The following PXMP2 variants were observed in gnomAD, a reference collection of about 807,000 sequenced individuals.
PXMP2 encodes the protein peroxisomal membrane protein 2.
Under a neutral mutation model 20.2 loss-of-function variants are expected in PXMP2, and 13 were observed. The ratio of observed to expected loss-of-function variants is 0.64; its 90% confidence interval spans 0.42 to 1.02. The LOEUF (loss-of-function observed/expected upper bound fraction) is 1.02. Ranked by LOEUF, PXMP2 falls within the 50% of genes least tolerant of loss-of-function variation. The pLI is 0.00. For missense variants in PXMP2, 284 were observed against 251.8 expected (o/e 1.13, Z -0.87); for synonymous variants, 113 against 111.2 (o/e 1.02, Z -0.10).
intron 3 of PXMP2, 81 bp from the exon 4 acceptor site, chr12:132,701,169 A>C (rs1401313078): frequency 1.3e-6 from 2 of 1,573,238 alleles, no homozygotes; most frequent in African/African-American, 1.4e-5. Context: ...TTTAAAAACC[A>C]TCACGATAGG....
At chr12:132,691,217 A>T (rs759023465) in intron 2 of PXMP2, among the ~76,000 whole-genome samples, 1 of 151,726 alleles carries the variant, frequency 6.6e-6, no homozygotes, top group African/African-American at 2.4e-5. Flanking sequence ...ACGCCCGGCT[A>T]ATTTTTTGTA....
chr12:132,701,115 C>A, intron 3 of PXMP2, 135 bp from the exon 4 acceptor site: 1 of 1,267,908 alleles, frequency 7.9e-7, no homozygotes, highest in Non-Finnish European at 1.1e-6. Flanking sequence ...GCTGAGTACA[C>A]ATGTGTGCTG....
At chr12:132,704,237 C>T (rs568713133) in intron 4 of PXMP2, among the ~76,000 whole-genome samples, 1 of 152,212 alleles carries the variant, frequency 6.6e-6, no homozygotes, top group African/African-American at 2.4e-5. Flanking sequence ...AGGTCTGGGG[C>T]CCCTCCGCTG....
At chr12:132,704,591 T>TGC (rs775446401) in intron 4 of PXMP2, 28 bp from the exon 5 acceptor site, 6 of 1,406,146 alleles carry the variant, frequency 4.3e-6, no homozygotes, top group Non-Finnish European at 5.6e-6. Context: ...CCGCTGACCG[T>TGC]GGCCTGTTGG....
At chr12:132,694,160 TA>T (rs1378683509) in intron 2 of PXMP2, among the ~76,000 whole-genome samples, 4 of 105,468 alleles carry the variant, frequency 3.8e-5, no homozygotes, top group Non-Finnish European at 8.1e-5. Flanking sequence ...TGAGCTCCCT[TA>T]GCCAGTTAGT....
intron 3 of PXMP2, among the ~76,000 whole-genome samples, chr12:132,699,236 G>A (rs1262880840): frequency 6.6e-6 from 1 of 152,130 alleles, no homozygotes; most frequent in African/African-American, 2.4e-5. Flanking sequence ...GGGCAACAGA[G>A]TGAGACCCCT....
At chr12:132,690,177 T>C in intron 1 of PXMP2, 86 bp from the exon 2 acceptor site, 1 of 1,057,434 alleles carries the variant, frequency 9.5e-7, no homozygotes, top group Non-Finnish European at 1.5e-6. Context: ...CTGCATGGCC[T>C]CAGAACGGCC....
chr12:132,688,101 C>T (rs1485131741), intron 1 of PXMP2: 1 of 202,890 alleles, frequency 4.9e-6, no homozygotes, highest in African/African-American at 2.4e-5. Context: ...GAAGCCACGG[C>T]AAGGGGAGCG....
At chr12:132,701,048 G>A (rs376722315) in intron 3 of PXMP2, among the ~76,000 whole-genome samples, 10 of 152,302 alleles carry the variant, frequency 6.6e-5, no homozygotes, top group Admixed American at 5.2e-4. Context: ...GCAGGCTGCT[G>A]TCTGGCATCT....
chr12:132,699,791 T>C (rs2043428819), intron 3 of PXMP2, among the ~76,000 whole-genome samples: 1 of 152,154 alleles, frequency 6.6e-6, no homozygotes, highest in Admixed American at 6.6e-5. Flanking sequence ...TTTAGGTTGA[T>C]TCCACGTGTT....
At position 132,687,629 on chromosome 12, in the gene PXMP2, A is replaced by T; in HGVS notation, c.-42A>T. The T allele has an allele frequency of 1.7e-6, 2 of 1,157,882 alleles. No homozygotes were observed. The highest frequency in any genetic ancestry group is 4.2e-5 in the South Asian group (1 of 23,612). The allele number at this position is 1,157,882 out of a possible 1,614,324, so 71.7% of individuals were successfully genotyped here. A position where few individuals can be genotyped will look rare whatever the true frequency, so the allele number is the denominator to read the frequency against. On this transcript the variant is annotated 5_prime_UTR_variant, in exon 1 of 5. Transcript: ENST00000317479. ...TCGGGCTCCGCGCCCGGCCAGCCTG[A>T]GGTGGGGTCGGTGCCCCCGGCGGCA...
In PXMP2 at chr12:132,704,608, C is replaced by G. The variant is rs780152032; in HGVS notation, c.520-11C>G. 4 of 1,436,094 alleles carry G rather than the reference C, an allele frequency of 2.8e-6. No homozygotes were observed. Among genetic ancestry groups the G allele is most frequent in the Admixed American group, 2.7e-5 (1 of 36,424 alleles). 89.0% of individuals were successfully genotyped at this position (1,436,094 alleles called of 1,614,324 possible). A position where few individuals can be genotyped will look rare whatever the true frequency, so the allele number is the denominator to read the frequency against. On this transcript the variant is annotated splice_polypyrimidine_tract_variant and intron_variant, in intron 4 of 4. Transcript: ENST00000317479. ...GCTGACCGTGGCCTGTTGGACTGTT[C>G]TTTTCGGCAGTTCCGGGTGCTCTTC...
Position 132,687,698 on chromosome 12 carries a change from G to T in PXMP2, c.28G>T (p.Ala10Ser), listed in dbSNP as rs1018870720. The T allele has an allele frequency of 3.6e-5, 43 of 1,192,200 alleles. No homozygotes were observed. The African/African-American group carries it at 6.6e-4, about 18-fold the overall frequency. 73.9% of individuals were successfully genotyped at this position (1,192,200 alleles called of 1,614,324 possible). A position where few individuals can be genotyped will look rare whatever the true frequency, so the allele number is the denominator to read the frequency against. MAPAASRLR[A>S]EAGLGALPRR... Reference sequence around the variant, plus strand: ...GGCGCCGGCCGCGTCCAGGCTGCGGGCCGAAGCCGGGCTCGGGGCGCTGCC... The same window carrying T: ...GGCGCCGGCCGCGTCCAGGCTGCGGTCCGAAGCCGGGCTCGGGGCGCTGCC... The change falls in exon 1 of 5, where the codon GCC becomes TCC. Residue 10 changes from alanine to serine, a missense_variant. Coordinates refer to ENST00000317479, the MANE Select transcript of PXMP2 (RefSeq NM_018663.3).
chr12:132,695,203 T>G (rs1396853738), intron 2 of PXMP2, among the ~76,000 whole-genome samples: 1 of 151,836 alleles, frequency 6.6e-6, no homozygotes. Flanking sequence ...GTTAGTGAGC[T>G]CCCTTAGCCA....
In PXMP2 at chr12:132,687,636, G is replaced by T; in HGVS notation, c.-35G>T. ...CCGCGCCCGGCCAGCCTGAGGTGGG[G>T]TCGGTGCCCCCGGCGGCACGGCGCT... On this transcript the variant is annotated 5_prime_UTR_variant, in exon 1 of 5. Transcript: ENST00000317479. 8.6e-7 allele frequency: 1 copy of T among 1,157,660 alleles called. No individual in the cohort carries two copies. The highest frequency in any genetic ancestry group is 1.1e-6 in the Non-Finnish European group (1 of 941,370). The allele number at this position is 1,157,660 out of a possible 1,614,324, so 71.7% of individuals were successfully genotyped here. A position where few individuals can be genotyped will look rare whatever the true frequency, so the allele number is the denominator to read the frequency against.
At chr12:132,703,913 C>T (rs892287220) in intron 4 of PXMP2, among the ~76,000 whole-genome samples, 6 of 152,062 alleles carry the variant, frequency 3.9e-5, no homozygotes, top group East Asian at 1.9e-4. Flanking sequence ...GCCGGGAACA[C>T]GGAGGATCTG....
rs2043461009 is a variant in PXMP2, at chr12:132,704,724, G to A, written c.*37G>A. 6.3e-7 allele frequency: 1 copy of A among 1,577,122 alleles called. No individual in the cohort carries two copies. The highest frequency in any genetic ancestry group is 8.7e-7 in the Non-Finnish European group (1 of 1,154,238). ...AGAACATCAGGTGCACTGTGGACGT[G>A]GGTCTGGGGGTCTCACCCGCCCAGC... On this transcript the variant is annotated 3_prime_UTR_variant, in exon 5 of 5. Transcript: ENST00000317479.
intron 3 of PXMP2, 21 bp from the exon 4 acceptor site, chr12:132,701,225 ACCAC>A (rs747412760): frequency 6.2e-7 from 1 of 1,613,188 alleles, no homozygotes; most frequent in Non-Finnish European, 8.5e-7. Context: ...GAGACTGTTC[ACCAC>A]CCGCCTTCCC....
At chr12:132,694,799 T>TGCCAGTTAGTTAAGTGAGCGCCCTTA (rs2043400425) in intron 2 of PXMP2, among the ~76,000 whole-genome samples, 1 of 136,790 alleles carries the variant, frequency 7.3e-6, no homozygotes, top group African/African-American at 2.9e-5. Flanking sequence ...TGAGCGCCCT[T>TGCCAGTTAGTTAAGTGAGCGCCCTTA]GCCAGTTAGT....
Sources: gnomAD v4.1 joint callset for allele counts (sites outside exome capture counted in the v4.1 genomes callset) on GRCh38, gnomAD v4.1.1 for gene constraint, MANE v1.5 for transcripts, NCBI Gene and HGNC (gene_info 2026-07-23, HGNC 2026-07-21) for gene names.